The following CNTN6 variants were observed in gnomAD, a reference collection of about 807,000 sequenced individuals.
CNTN6 encodes contactin-6.
Under a neutral mutation model 122.8 loss-of-function variants are expected in CNTN6, and 137 were observed. The ratio of observed to expected loss-of-function variants is 1.12; its 90% CI spans 0.97 to 1.29. The LOEUF is 1.29. Among genes scored for constraint, CNTN6 ranks in the 50% most tolerant of loss-of-function variants. The pLI is 0.00. For synonymous variants in CNTN6, 570 were observed against 426.0 expected (o/e 1.34, Z -4.16); for missense variants, 1,634 against 1,223.4 (o/e 1.34, Z -5.01).
chr3:1,185,421 ACT>A (rs1279004499), intron 2 of CNTN6, among the ~76,000 whole-genome samples: 2 of 152,146 alleles, frequency 1.3e-5, no homozygotes, highest in African/African-American at 4.8e-5. Flanking sequence ...TTATACAGAT[ACT>A]CTAAAAAGGT....
intron 2 of CNTN6, among the ~76,000 whole-genome samples, chr3:1,200,939 T>C (rs1163297933): frequency 1.3e-5 from 2 of 151,690 alleles, no homozygotes; most frequent in African/African-American, 4.8e-5. Flanking sequence ...TTTTCTTTTT[T>C]TTTTTTTCCC....
chr3:1,364,939 G>A (rs1559929569), intron 12 of CNTN6, among the ~76,000 whole-genome samples: 1 of 151,726 alleles, frequency 6.6e-6, no homozygotes, highest in Non-Finnish European at 1.5e-5. Context: ...AAAATTCTGT[G>A]GTTTTACAAA....
intron 4 of CNTN6, among the ~76,000 whole-genome samples, chr3:1,245,239 CACACACATAT>C (rs2094552463): frequency 1.1e-4 from 1 of 9,344 alleles, no homozygotes; most frequent in South Asian, 3.5e-3. Flanking sequence ...TATATATACA[CACACACATAT>C]ATATATAACA....
At chr3:1,224,564 AAAAT>A (rs2094253379) in intron 3 of CNTN6, among the ~76,000 whole-genome samples, 1 of 149,584 alleles carries the variant, frequency 6.7e-6, no homozygotes, top group Non-Finnish European at 1.5e-5. Flanking sequence ...TTGTCAATTA[AAAAT>A]AAATAAAACT....
intron 11 of CNTN6, among the ~76,000 whole-genome samples, chr3:1,336,408 C>G (rs1412134489): frequency 6.6e-6 from 1 of 151,818 alleles, no homozygotes; most frequent in East Asian, 1.9e-4. Context: ...AAGTTAAACA[C>G]AAAGGCATTT....
At chr3:1,342,276 A>T (rs1315117294) in intron 11 of CNTN6, among the ~76,000 whole-genome samples, 1 of 151,864 alleles carries the variant, frequency 6.6e-6, no homozygotes, top group Non-Finnish European at 1.5e-5. Context: ...ATTACAGGCG[A>T]GCGCCACCAC....
chr3:1,130,157 A>G (rs537317909), intron 1 of CNTN6, among the ~76,000 whole-genome samples: 2 of 152,192 alleles, frequency 1.3e-5, no homozygotes, highest in South Asian at 2.1e-4. Context: ...AATCCTTGCC[A>G]AAGTCCAATC....
chr3:1,220,953 G>A, intron 3 of CNTN6, 140 bp downstream of exon 3: 1 of 888,264 alleles, frequency 1.1e-6, no homozygotes, highest in Non-Finnish European at 1.6e-6. Context: ...GCAGCCATGT[G>A]ACAATCACTC....
intron 20 of CNTN6, among the ~76,000 whole-genome samples, chr3:1,386,264 T>TTTG (rs2126196977): frequency 1.0e-5 from 1 of 98,300 alleles, no homozygotes; most frequent in East Asian, 2.2e-4. Context: ...GTAAATGGTT[T>TTTG]TTTTGTTTTG....
At chr3:1,377,200 A>G (rs76079534) in intron 17 of CNTN6, 125 bp downstream of exon 17, 21,660 of 576,616 alleles carry the variant, frequency 0.038, 546 homozygotes, top group Middle Eastern at 0.047. Context: ...ATAAAAATAC[A>G]TCATCCTGAT....
chr3:1,136,629 A>G (rs1188723693), intron 1 of CNTN6, among the ~76,000 whole-genome samples: 2 of 152,172 alleles, frequency 1.3e-5, no homozygotes, highest in African/African-American at 4.8e-5. Context: ...ATCTAGCTTT[A>G]TAACAACTCA....
At chr3:1,399,675 G>C (rs1368011071) in intron 20 of CNTN6, among the ~76,000 whole-genome samples, 1 of 152,044 alleles carries the variant, frequency 6.6e-6, no homozygotes, top group African/African-American at 2.4e-5. Flanking sequence ...AATACAGCCT[G>C]AGAAGATCAC....
chr3:1,397,196 T>C (rs1695095402), intron 20 of CNTN6, among the ~76,000 whole-genome samples: 2 of 152,118 alleles, frequency 1.3e-5, no homozygotes, highest in Non-Finnish European at 2.9e-5. Flanking sequence ...ATTTCTCTTT[T>C]AGAGAAGAGG....
At position 1,385,765 on chromosome 3, in the gene CNTN6, GC is replaced by G. The variant is rs1415730148; in HGVS notation, c.2678del (p.Pro893GlnfsTer22). The part of the protein sequence containing the change: ...AYNTAGTGPS[S>X]PPVNVTTKKS... Reference sequence around the variant, plus strand: ...AACACTGCTGGGACAGGGCCCTCAAGCCCCCCAGTCAATGTTACCACCAAAA... The same window carrying G: ...AACACTGCTGGGACAGGGCCCTCAAGCCCCCAGTCAATGTTACCACCAAAA... On this transcript the variant is annotated frameshift_variant, in exon 20 of 23. Coordinates refer to ENST00000446702, the MANE Select transcript of CNTN6 (RefSeq NM_001289080.2). LOFTEE classifies it high-confidence loss of function. 6.2e-7 allele frequency: 1 copy of G among 1,612,382 alleles called. No homozygotes were observed. The highest frequency in any genetic ancestry group is 1.7e-5 in the Admixed American group (1 of 59,634).
At chr3:1,211,853 A>ATAT (rs2094042978) in intron 2 of CNTN6, among the ~76,000 whole-genome samples, 1 of 152,204 alleles carries the variant, frequency 6.6e-6, no homozygotes, top group Non-Finnish European at 1.5e-5. Flanking sequence ...CAAGAAGAAC[A>ATAT]TATTCACTTC....
intron 1 of CNTN6, among the ~76,000 whole-genome samples, chr3:1,115,220 T>G (rs2091665628): frequency 6.6e-6 from 1 of 152,090 alleles, no homozygotes; most frequent in Non-Finnish European, 1.5e-5. Context: ...AAACCAGAGT[T>G]AGCCTTGATA....
chr3:1,280,684 C>G (rs1693247655), intron 5 of CNTN6, among the ~76,000 whole-genome samples: 1 of 151,802 alleles, frequency 6.6e-6, no homozygotes, highest in South Asian at 2.1e-4. Context: ...AGGCTGGTCT[C>G]AAACTCCTAA....
intron 20 of CNTN6, among the ~76,000 whole-genome samples, chr3:1,386,854 G>C (rs1314092680): frequency 6.6e-6 from 1 of 152,050 alleles, no homozygotes; most frequent in African/African-American, 2.4e-5. Flanking sequence ...AGAAGAGATG[G>C]TTAAGAAGAG....
intron 4 of CNTN6, among the ~76,000 whole-genome samples, chr3:1,257,989 A>G (rs1360568790): frequency 1.3e-5 from 2 of 152,072 alleles, no homozygotes; most frequent in African/African-American, 4.8e-5. Flanking sequence ...CATTCTATCA[A>G]TTTCATTTTA....
Sources: gnomAD v4.1 joint callset for allele counts (sites outside exome capture counted in the v4.1 genomes callset) on GRCh38, gnomAD v4.1.1 for gene constraint, MANE v1.5 for transcripts, NCBI Gene and HGNC (gene_info 2026-07-23, HGNC 2026-07-21) for gene names.